The following MS4A6A variants were observed in gnomAD, a reference collection of about 807,000 sequenced individuals.
MS4A6A encodes the protein membrane spanning 4-domains A6A.
MS4A6A carries 19 observed loss-of-function variants against 20.6 expected under a neutral mutation model. That is an observed-to-expected ratio of 0.92 (90% CI 0.64 to 1.36). The LOEUF is 1.36. Among genes scored for constraint, MS4A6A ranks in the 40% most tolerant of loss-of-function variants. The probability of loss-of-function intolerance (pLI) is 0.00; values close to 1 mark genes in which losing one functional copy is unlikely to be tolerated. For synonymous variants in MS4A6A, 108 were observed against 105.0 expected (o/e 1.03, Z -0.17); for missense variants, 272 against 261.1 (o/e 1.04, Z -0.29).
At position 60,181,197 on chromosome 11, in the gene MS4A6A, G is replaced by T. The variant is rs528122608; in HGVS notation, c.147+384C>A. On this transcript the variant is annotated intron_variant, in intron 2 of 5. Coordinates refer to ENST00000528851, the MANE Select transcript of MS4A6A (RefSeq NM_022349.4). ...AGGAGTTGTATATTTCCTCTAATTT[G>T]CAGTGAGGGAAAAATTATTTGCAAA... 418 of 375,846 alleles carry T rather than the reference G, an allele frequency of 1.1e-3. 1 individual carries two copies. The highest frequency in any genetic ancestry group is 8.1e-3 in the African/African-American group (385 of 47,310). The allele number at this position is 375,846 out of a possible 1,614,324, so 23.3% of individuals were successfully genotyped here.
chr11:60,173,158 T>A, intron 5 of MS4A6A, 29 bp from the exon 6 acceptor site: 4 of 1,603,626 alleles, frequency 2.5e-6, no homozygotes, highest in East Asian at 2.2e-5. Context: ...AAGATTGATG[T>A]TGCTTAGGTC....
chr11:60,176,655 T>G (rs1856856058), intron 4 of MS4A6A, among the ~76,000 whole-genome samples: 1 of 152,086 alleles, frequency 6.6e-6, no homozygotes, highest in South Asian at 2.1e-4. Context: ...GACCCCAATT[T>G]CCCAACATAA....
At position 60,175,529 on chromosome 11, in the gene MS4A6A, G is replaced by A; in HGVS notation, c.422C>T (p.Thr141Ile). ...GFIILSVKQATLNPASLQCEL... is the reference protein window; with the variant it reads ...GFIILSVKQAILNPASLQCEL... ...ACACTGCAGTGAGGCAGGATTTAAG[G>A]TGGCCTGTTTGACAGACAGGATAAT... is the stretch of plus-strand genomic sequence containing the variant. Residue 141 changes from threonine to isoleucine, a missense_variant, in exon 5 of 6, where the codon ACC becomes ATC. Coordinates refer to ENST00000528851, the MANE Select transcript of MS4A6A (RefSeq NM_022349.4). 1.2e-6 allele frequency: 2 copies of A among 1,614,120 alleles called. No homozygotes were observed. Among genetic ancestry groups the A allele is most frequent in the Non-Finnish European group, 8.5e-7 (1 of 1,180,008 alleles).
Position 60,181,665 on chromosome 11 carries a change from G to A in MS4A6A, c.63C>T (p.Phe21=), listed in dbSNP as rs371227051. The change falls in exon 2 of 6, where the codon TTC becomes TTT. Residue 21 remains phenylalanine, a synonymous_variant. Coordinates refer to ENST00000528851, the MANE Select transcript of MS4A6A (RefSeq NM_022349.4). ...IIVLPSNVIN[F]SQAEKPEPTN... is the part of the protein sequence containing the mutation. ...TGGGTTCGGGTTTCTCTGCTTGGGA[G>A]AAGTTGATGACATTTGATGGGAGCA... is the stretch of plus-strand genomic sequence containing the variant. 7 of 1,614,010 alleles carry A rather than the reference G, an allele frequency of 4.3e-6. No homozygotes were observed. In the South Asian group the frequency reaches 5.5e-5, roughly 13 times the overall value.
At chr11:60,172,482 A>T, downstream of MS4A6A, 64 of 1,239,868 alleles carry the variant, frequency 5.2e-5, no homozygotes, top group Non-Finnish European at 6.3e-5. Context: ...AAATAAAGCC[A>T]TAAGTCCATA....
intron 4 of MS4A6A, chr11:60,177,364 C>T (rs749966724): frequency 3.9e-5 from 6 of 152,160 alleles, no homozygotes; most frequent in South Asian, 2.1e-4. Context: ...AATTGAGTCT[C>T]GGTGCAATTG....
intron 3 of MS4A6A, chr11:60,179,457 C>G: frequency 1.8e-6 from 1 of 553,116 alleles, no homozygotes; most frequent in Non-Finnish European, 3.2e-6. Flanking sequence ...AGTGTGGTTT[C>G]TCTGTGAGTG....
downstream of MS4A6A, among the ~76,000 whole-genome samples, chr11:60,171,794 G>T (rs1055106546): frequency 6.6e-6 from 1 of 152,152 alleles, no homozygotes; most frequent in South Asian, 2.1e-4. Flanking sequence ...ACAATAAAAA[G>T]TTGTGTCCTT....
intron 3 of MS4A6A, 115 bp from the exon 4 acceptor site, chr11:60,178,431 C>A: frequency 1.3e-6 from 1 of 770,418 alleles, no homozygotes; most frequent in Non-Finnish European, 2.2e-6. Flanking sequence ...AACCAGTGAT[C>A]AATGAGGTAA....
At chr11:60,178,364 C>A (rs2134788242) in intron 3 of MS4A6A, 48 bp from the exon 4 acceptor site, 2 of 1,460,408 alleles carry the variant, frequency 1.4e-6, no homozygotes, top group Non-Finnish European at 1.9e-6. Context: ...GTACAGAGTA[C>A]CTTCGACGTC....
chr11:60,173,755 G>A (rs1293947711), intron 5 of MS4A6A, among the ~76,000 whole-genome samples: 1 of 151,492 alleles, frequency 6.6e-6, no homozygotes, highest in Non-Finnish European at 1.5e-5. Flanking sequence ...GGGTGTAACT[G>A]TAAGGCTTAG....
intron 2 of MS4A6A, chr11:60,181,336 G>T (rs1190308112): frequency 3.7e-6 from 2 of 537,208 alleles, no homozygotes; most frequent in Non-Finnish European, 6.6e-6. Flanking sequence ...GCACTGTATT[G>T]TAAAAATACA....
At position 60,175,431 on chromosome 11, in the gene MS4A6A, C is replaced by G. The variant is rs1856782520; in HGVS notation, c.520G>C (p.Asp174His). The G allele has an allele frequency of 3.1e-6, 5 of 1,614,078 alleles. No individual in the cohort carries two copies. The highest frequency in any genetic ancestry group is 3.4e-6 in the Non-Finnish European group (4 of 1,179,996). Residue 174 changes from aspartate (D) to histidine (H), a missense_variant, in exon 5 of 6, where the codon GAC becomes CAC. By Grantham distance (81) the Asp-to-His change is moderately conservative (BLOSUM62 -1). Coordinates refer to ENST00000528851, the MANE Select transcript of MS4A6A (RefSeq NM_022349.4). ...AGACTGGCTTTGGCTGTATAGCAGT[C>G]CGTGGTATAAAGTGAATCATGATAA... ...YFYHDSLYTT[D>H]CYTAKASLAG... is the part of the protein sequence containing the mutation.
upstream of MS4A6A, chr11:60,183,215 C>T (rs746122958): frequency 2.4e-5 from 37 of 1,528,484 alleles, no homozygotes; most frequent in Non-Finnish European, 3.2e-5. Flanking sequence ...TGAAAAGAGC[C>T]AACTAATATT....
In MS4A6A at chr11:60,173,115, C is replaced by G. The variant is rs1453973750; in HGVS notation, c.564G>C (p.Leu188=). Residue 188 remains leucine (L), a synonymous_variant, in exon 6 of 6, where the codon CTG becomes CTC. Transcript: ENST00000528851. Reference sequence around the variant, plus strand: ...ATTCCAGCAGAGTGCAAATCAGCATCAGAGAGAGAGTTCCCTGAAAGTCAA... The same window carrying G: ...ATTCCAGCAGAGTGCAAATCAGCATGAGAGAGAGAGTTCCCTGAAAGTCAA... The part of the protein sequence containing the change: ...AKASLAGTLS[L]MLICTLLEFC... The G allele has an allele frequency of 5.0e-6, 8 of 1,613,420 alleles. No homozygotes were observed. Among genetic ancestry groups the G allele is most frequent in the Non-Finnish European group, 6.8e-6 (8 of 1,179,520 alleles).
intron 3 of MS4A6A, chr11:60,178,706 C>A: frequency 5.5e-6 from 2 of 361,514 alleles, no homozygotes; most frequent in South Asian, 2.1e-5. Flanking sequence ...AAAATACTAC[C>A]CCAACCACAT....
chr11:60,172,888 C>T lies in MS4A6A; in HGVS notation c.*113G>A. The T allele has an allele frequency of 6.5e-7, 1 of 1,547,774 alleles. No homozygotes were observed. Among genetic ancestry groups the T allele is most frequent in the Non-Finnish European group, 8.8e-7 (1 of 1,142,758 alleles). On this transcript the variant is annotated 3_prime_UTR_variant, in exon 6 of 6. Transcript: ENST00000528851. ...GCCATCTGCTTTTCTTCTCTGTCTT[C>T]CATCACAATGCAAATGCCCTCCCAT...
chr11:60,179,892 T>C lies in MS4A6A; in HGVS notation c.221A>G (p.Asn74Ser). The change falls in exon 3 of 6, where the codon AAT (asparagine) becomes AGT (serine). Residue 74 changes from asparagine (N) to serine (S), a missense_variant. Coordinates refer to ENST00000528851, the MANE Select transcript of MS4A6A (RefSeq NM_022349.4). ...CAGTGTAGAAGTCACTTGGGTAAAA[T>C]TTGGAGAGAAGGAAGCAGATGCCAA... ...IILASASFSP[N>S]FTQVTSTLLN... 1 of 1,613,890 alleles carries C rather than the reference T, an allele frequency of 6.2e-7. No homozygotes were observed. The highest frequency in any genetic ancestry group is 8.5e-7 in the Non-Finnish European group (1 of 1,179,970).
downstream of MS4A6A, chr11:60,172,471 T>G (rs1461405115): frequency 7.9e-7 from 1 of 1,265,788 alleles, no homozygotes; most frequent in African/African-American, 1.5e-5. Flanking sequence ...TTAATTCAGT[T>G]AAATAAAGCC....
Sources: gnomAD v4.1 joint callset for allele counts (sites outside exome capture counted in the v4.1 genomes callset) on GRCh38, gnomAD v4.1.1 for gene constraint, MANE v1.5 for transcripts, NCBI Gene and HGNC (gene_info 2026-07-23, HGNC 2026-07-21) for gene names.